Variants in ANTXR2 observed in about 807,000 individuals in gnomAD.
The protein encoded by ANTXR2 is ANTXR cell adhesion molecule 2.
ANTXR2 carries 44 observed loss-of-function variants against 73.7 expected under a neutral mutation model. The ratio of observed to expected loss-of-function variants is 0.60; its 90% CI spans 0.47 to 0.77. The LOEUF is 0.77. Ranked by LOEUF, ANTXR2 falls within the 30% of genes least tolerant of loss-of-function variation. The probability of loss-of-function intolerance (pLI) is 0.00; values close to 1 mark genes in which losing one functional copy is unlikely to be tolerated. For missense variants in ANTXR2, 604 were observed against 592.5 expected (o/e 1.02, Z -0.20); for synonymous variants, 217 against 205.9 (o/e 1.05, Z -0.46).
intron 16 of ANTXR2, among the ~76,000 whole-genome samples, chr4:79,929,223 C>A (rs765349236): frequency 6.6e-6 from 1 of 152,012 alleles, no homozygotes; most frequent in Non-Finnish European, 1.5e-5. Context: ...TTTAAAAAGG[C>A]GTGTTGGGAG....
intron 16 of ANTXR2, among the ~76,000 whole-genome samples, chr4:79,975,423 A>G (rs746183742): frequency 1.3e-5 from 2 of 152,240 alleles, no homozygotes. Context: ...TAATCCAAAA[A>G]TTATTGAATT....
rs890927745 is a variant in ANTXR2, at chr4:79,906,112, C to T, written c.*1317G>A. On this transcript the variant is annotated 3_prime_UTR_variant, in exon 17 of 17. Coordinates refer to ENST00000403729, the MANE Select transcript of ANTXR2 (RefSeq NM_058172.6). ...CTTCAGCTGCTGCCTTCCTCCCCCACGGTGTTTCTGCTCACGCTAACATAA... is the reference window on the plus strand; with the variant it reads ...CTTCAGCTGCTGCCTTCCTCCCCCATGGTGTTTCTGCTCACGCTAACATAA... 6.6e-6 allele frequency: 1 copy of T among 152,584 alleles called. No homozygotes were observed. The highest frequency in any genetic ancestry group is 1.9e-4 in the East Asian group (1 of 5,200). 9.5% of individuals were successfully genotyped at this position (152,584 alleles called of 1,614,324 possible).
intron 16 of ANTXR2, among the ~76,000 whole-genome samples, chr4:79,930,234 A>C (rs1366061916): frequency 6.6e-6 from 1 of 152,200 alleles, no homozygotes; most frequent in Non-Finnish European, 1.5e-5. Flanking sequence ...ATACATTACA[A>C]TTTAAATCTG....
intron 11 of ANTXR2, among the ~76,000 whole-genome samples, chr4:80,011,551 A>G (rs1731586901): frequency 6.6e-6 from 1 of 152,168 alleles, no homozygotes; most frequent in African/African-American, 2.4e-5. Context: ...TTTCAGTTCT[A>G]AAGAGAGGCA....
chr4:80,062,924 T>C (rs532985727), intron 3 of ANTXR2, among the ~76,000 whole-genome samples: 30 of 152,180 alleles, frequency 2.0e-4, no homozygotes, highest in African/African-American at 6.3e-4. Flanking sequence ...TGGTGTCCAC[T>C]GATAACTGCC....
chr4:80,057,388 A>C (rs894169837), intron 3 of ANTXR2, among the ~76,000 whole-genome samples: 1 of 152,008 alleles, frequency 6.6e-6, no homozygotes, highest in African/African-American at 2.4e-5. Flanking sequence ...AATTGAAATA[A>C]ATAATCCATT....
chr4:80,006,694 T>C (rs927669219), intron 12 of ANTXR2, among the ~76,000 whole-genome samples: 1 of 152,096 alleles, frequency 6.6e-6, no homozygotes, highest in Admixed American at 6.6e-5. Flanking sequence ...GTCTCTGATC[T>C]AGTCACCTGA....
intron 7 of ANTXR2, among the ~76,000 whole-genome samples, chr4:80,046,381 T>C (rs1422160311): frequency 6.6e-6 from 1 of 151,720 alleles, no homozygotes; most frequent in Admixed American, 6.6e-5. Flanking sequence ...TTGTCGTTGT[T>C]GTCTTTGGTC....
At chr4:79,910,778 A>T (rs774510234) in intron 16 of ANTXR2, among the ~76,000 whole-genome samples, 5 of 152,190 alleles carry the variant, frequency 3.3e-5, no homozygotes, top group Non-Finnish European at 7.3e-5. Flanking sequence ...AGGATTACCA[A>T]GGAGAAAAAC....
intron 8 of ANTXR2, among the ~76,000 whole-genome samples, chr4:80,034,868 G>A (rs1732883618): frequency 6.6e-6 from 1 of 152,072 alleles, no homozygotes; most frequent in Non-Finnish European, 1.5e-5. Flanking sequence ...CATTTACTAT[G>A]TTATGAAAGG....
chr4:79,908,684 G>T (rs1231488635), intron 16 of ANTXR2, among the ~76,000 whole-genome samples: 1 of 152,126 alleles, frequency 6.6e-6, no homozygotes, highest in African/African-American at 2.4e-5. Context: ...TTGTGTTAAT[G>T]TCTACAAATC....
At chr4:80,011,099 A>G (rs1248896799) in intron 11 of ANTXR2, among the ~76,000 whole-genome samples, 2 of 152,062 alleles carry the variant, frequency 1.3e-5, no homozygotes, top group Non-Finnish European at 2.9e-5. Context: ...GTGAGCCAAG[A>G]TCATGCCACG....
At chr4:80,038,457 G>A (rs1484180110) in intron 7 of ANTXR2, among the ~76,000 whole-genome samples, 1 of 152,034 alleles carries the variant, frequency 6.6e-6, no homozygotes, top group African/African-American at 2.4e-5. Flanking sequence ...CATCTTTGGA[G>A]CCAGGCCCTG....
At chr4:80,018,737 C>T (rs1732000787) in intron 11 of ANTXR2, among the ~76,000 whole-genome samples, 161 bp downstream of exon 11, 1 of 152,220 alleles carries the variant, frequency 6.6e-6, no homozygotes, top group South Asian at 2.1e-4. Flanking sequence ...AAAAGCAATG[C>T]CACCCAAAAC....
rs183636388 is a variant in ANTXR2, at chr4:79,903,541, A to C, written c.*3888T>G. On this transcript the variant is annotated 3_prime_UTR_variant, in exon 17 of 17. Transcript: ENST00000403729. Reference sequence around the variant, plus strand: ...AAAAAACCAGCGCAGAACCTGCTACATTATGGATTTTCAAAAACAACAACA... The same window carrying C: ...AAAAAACCAGCGCAGAACCTGCTACCTTATGGATTTTCAAAAACAACAACA... 5.3e-5 allele frequency: 8 copies of C among 152,298 alleles called. No homozygotes were observed. The East Asian group carries it at 1.5e-3, about 29-fold the overall frequency. 9.4% of individuals were successfully genotyped at this position (152,298 alleles called of 1,614,324 possible).
At chr4:80,003,664 T>C (rs889340530) in intron 12 of ANTXR2, among the ~76,000 whole-genome samples, 18 of 152,148 alleles carry the variant, frequency 1.2e-4, no homozygotes, top group Admixed American at 9.8e-4. Context: ...CACGAAAACA[T>C]GTTCCTCACT....
chr4:80,041,113 AT>A (rs746287184), intron 7 of ANTXR2, among the ~76,000 whole-genome samples: 2 of 152,018 alleles, frequency 1.3e-5, no homozygotes, highest in Non-Finnish European at 2.9e-5. Flanking sequence ...ATAAACAAAT[AT>A]TTTTATCCAT....
intron 16 of ANTXR2, among the ~76,000 whole-genome samples, chr4:79,914,038 A>G (rs1727250551): frequency 6.6e-6 from 1 of 152,144 alleles, no homozygotes; most frequent in Admixed American, 6.6e-5. Context: ...GATCTACATA[A>G]ACAATATAGC....
chr4:79,991,587 C>G (rs1730473812), intron 12 of ANTXR2, among the ~76,000 whole-genome samples: 1 of 152,070 alleles, frequency 6.6e-6, no homozygotes, highest in Admixed American at 6.6e-5. Context: ...TTTAATCCAG[C>G]AATCCCATTA....
Sources: gnomAD v4.1 joint callset for allele counts (sites outside exome capture counted in the v4.1 genomes callset) on GRCh38, gnomAD v4.1.1 for gene constraint, MANE v1.5 for transcripts, NCBI Gene and HGNC (gene_info 2026-07-23, HGNC 2026-07-21) for gene names.